Variants in MTA3 observed in about 807,000 individuals in gnomAD.
The protein encoded by MTA3 is metastasis-associated protein MTA3.
In MTA3, 34 loss-of-function variants were observed where a neutral mutation model predicts 83.5. That is an observed-to-expected ratio of 0.41 (90% CI 0.31 to 0.54). MTA3 has a LOEUF of 0.54. Among genes scored for constraint, MTA3 ranks in the 20% least tolerant of loss-of-function variants. The pLI is 0.33. For missense variants in MTA3, 761 were observed against 726.4 expected (o/e 1.05, Z -0.55); for synonymous variants, 303 against 252.7 (o/e 1.20, Z -1.89).
intron 9 of MTA3, among the ~76,000 whole-genome samples, chr2:42,692,937 C>G (rs1282696398): frequency 2.0e-5 from 3 of 152,218 alleles, no homozygotes; most frequent in Admixed American, 6.5e-5. Context: ...AAAAGGCTTT[C>G]TAAAGGACTT....
chr2:42,568,388 C>A (rs1678031906), upstream of MTA3: 2 of 210,470 alleles, frequency 9.5e-6, no homozygotes, highest in Non-Finnish European at 1.9e-5. Flanking sequence ...GACCCTGACC[C>A]CAGGGCCCTC....
intron 4 of MTA3, among the ~76,000 whole-genome samples, chr2:42,632,915 G>A (rs1300731277): frequency 6.6e-6 from 1 of 151,308 alleles, no homozygotes; most frequent in African/African-American, 2.4e-5. Context: ...ATCTATCTTT[G>A]AATAGAAATA....
chr2:42,590,029 T>C (rs77372179), intron 3 of MTA3, among the ~76,000 whole-genome samples: 1,580 of 152,264 alleles, frequency 0.01, 25 homozygotes, highest in African/African-American at 0.037. Context: ...CTTGTGCTAG[T>C]TCTCAGGCAG....
intron 4 of MTA3, among the ~76,000 whole-genome samples, chr2:42,613,407 A>G (rs1251828497): frequency 6.6e-6 from 1 of 152,210 alleles, no homozygotes; most frequent in Non-Finnish European, 1.5e-5. Context: ...TCATTTTTAA[A>G]CAGCTGAATG....
At chr2:42,619,938 A>G (rs1685348727) in intron 4 of MTA3, among the ~76,000 whole-genome samples, 1 of 152,198 alleles carries the variant, frequency 6.6e-6, no homozygotes, top group African/African-American at 2.4e-5. Flanking sequence ...GGCAAGTTCT[A>G]CTTAAGAATG....
chr2:42,628,874 C>T (rs957917639), intron 4 of MTA3, among the ~76,000 whole-genome samples: 21 of 148,128 alleles, frequency 1.4e-4, no homozygotes, highest in African/African-American at 5.2e-4. Context: ...AATAAATGAA[C>T]TAAAAATATT....
chr2:42,571,645 TA>T (rs1256621542), intron 2 of MTA3, among the ~76,000 whole-genome samples: 2 of 152,074 alleles, frequency 1.3e-5, no homozygotes, highest in Non-Finnish European at 2.9e-5. Context: ...CTAGGGAACA[TA>T]ATATTGAAAG....
chr2:42,614,738 G>T (rs1684645775), intron 4 of MTA3, among the ~76,000 whole-genome samples: 2 of 152,036 alleles, frequency 1.3e-5, no homozygotes, highest in South Asian at 4.2e-4. Flanking sequence ...ACTTTGAGAG[G>T]CCGGGGTGGG....
intron 3 of MTA3, among the ~76,000 whole-genome samples, chr2:42,599,719 A>G (rs915063611): frequency 6.6e-6 from 1 of 152,218 alleles, no homozygotes; most frequent in Non-Finnish European, 1.5e-5. Context: ...AGATAACAAA[A>G]TAAAATATTT....
At chr2:42,650,226 T>C (rs1351559095) in intron 6 of MTA3, among the ~76,000 whole-genome samples, 1 of 152,196 alleles carries the variant, frequency 6.6e-6, no homozygotes. Context: ...GTAGACATTT[T>C]AGTTGTCACG....
chr2:42,580,230 C>G (rs940319325), intron 3 of MTA3, among the ~76,000 whole-genome samples: 9 of 152,062 alleles, frequency 5.9e-5, no homozygotes, highest in African/African-American at 2.2e-4. Context: ...ATCCTCCTGC[C>G]TCAGCTTTCC....
At chr2:42,535,854 C>T (rs961510760) in intron 2 of MTA3, among the ~76,000 whole-genome samples, 23 of 146,800 alleles carry the variant, frequency 1.6e-4, no homozygotes, top group African/African-American at 5.0e-4. Flanking sequence ...CACAGTGGCT[C>T]ATGCCTGTAA....
At chr2:42,695,013 C>T (rs919332066) in intron 9 of MTA3, among the ~76,000 whole-genome samples, 1 of 152,028 alleles carries the variant, frequency 6.6e-6, no homozygotes, top group Non-Finnish European at 1.5e-5. Flanking sequence ...TGGTGTCACA[C>T]CTATAGTCCC....
intron 4 of MTA3, among the ~76,000 whole-genome samples, chr2:42,634,910 C>T (rs1687039209): frequency 6.6e-6 from 1 of 152,104 alleles, no homozygotes; most frequent in Non-Finnish European, 1.5e-5. Flanking sequence ...ACTTAGTAAA[C>T]AGTCTTTGTG....
intron 9 of MTA3, among the ~76,000 whole-genome samples, chr2:42,693,638 C>T (rs1432695710): frequency 6.6e-6 from 1 of 151,702 alleles, no homozygotes; most frequent in Admixed American, 6.6e-5. Context: ...TGGGATCACC[C>T]TTCAGGGCAC....
intron 3 of MTA3, among the ~76,000 whole-genome samples, chr2:42,584,888 A>G (rs1573065578): frequency 6.6e-6 from 1 of 151,618 alleles, no homozygotes; most frequent in South Asian, 2.1e-4. Flanking sequence ...CTCTTGGGGG[A>G]AAAAAATGGA....
At chr2:42,730,905 G>A (rs1224255422) in intron 16 of MTA3, among the ~76,000 whole-genome samples, 4 of 152,006 alleles carry the variant, frequency 2.6e-5, no homozygotes, top group African/African-American at 7.2e-5. Flanking sequence ...GTCTGTTTAG[G>A]TTTTGGATTT....
intron 3 of MTA3, among the ~76,000 whole-genome samples, chr2:42,592,556 C>T (rs1409848103): frequency 6.6e-6 from 1 of 152,096 alleles, no homozygotes; most frequent in African/African-American, 2.4e-5. Context: ...TGCACACAAG[C>T]CTGGTGTACA....
At chr2:42,623,919 TGACCTTAGGTGTGATCCACC>T (rs898612739) in intron 4 of MTA3, among the ~76,000 whole-genome samples, 17 of 152,122 alleles carry the variant, frequency 1.1e-4, no homozygotes, top group Non-Finnish European at 1.6e-4. Context: ...CTCGAACTCC[TGACCTTAGGTGTGATCCACC>T]GACCTTAGGT....
Sources: allele counts gnomAD v4.1 joint callset (sites outside exome capture counted in the v4.1 genomes callset), GRCh38; gene constraint gnomAD v4.1.1; transcripts MANE v1.5; gene names NCBI Gene and HGNC (gene_info 2026-07-23, HGNC 2026-07-21).